Variants in POLR2F observed in about 807,000 individuals in gnomAD.
POLR2F encodes the protein RNA polymerase II, I and III subunit F, also known as DNA-directed RNA polymerases I, II, and III subunit RPABC2.
POLR2F carries 12 observed loss-of-function variants against 22.7 expected under a neutral mutation model. That is an observed-to-expected ratio of 0.53 (90% CI 0.34 to 0.86). POLR2F has a LOEUF of 0.86. POLR2F is among the 40% of genes least tolerant of loss of function. POLR2F has a pLI of 0.02. For synonymous variants in POLR2F, 57 were observed against 66.0 expected (o/e 0.86, Z 0.66); for missense variants, 126 against 171.5 (o/e 0.73, Z 1.48).
At chr22:37,996,577 G>T (rs1421586351) in intron 1 of POLR2F, among the ~76,000 whole-genome samples, 3 of 152,172 alleles carry the variant, frequency 2.0e-5, no homozygotes, top group African/African-American at 7.2e-5. Context: ...AGAGGGCACT[G>T]CCCACTTACA....
chr22:37,982,315 T>C (rs567640610), upstream of POLR2F, among the ~76,000 whole-genome samples: 3 of 152,292 alleles, frequency 2.0e-5, no homozygotes, highest in East Asian at 1.9e-4. Flanking sequence ...TTGGTCAGTC[T>C]AGCGAGAATC....
intron 4 of POLR2F, chr22:37,967,414 G>A: frequency 1.4e-6 from 2 of 1,434,706 alleles, no homozygotes; most frequent in Non-Finnish European, 1.8e-6. Flanking sequence ...GCTGCAGGAG[G>A]CCTTACCAAT....
At position 38,040,809 on chromosome 22, in the gene POLR2F, A is replaced by G. The variant is rs139617063; in HGVS notation, c.453-259A>G. The stretch of plus-strand genomic sequence containing the variant: ...GGCATGTTGTGATGGTGAAGGGAGC[A>G]TGGCAGTTTGGGCTTGCTGTCCTGC... On this transcript the variant is annotated intron_variant, in intron 5 of 5. Coordinates refer to the POLR2F transcript ENST00000407936. The G allele has an allele frequency of 1.5e-5, 8 of 537,764 alleles. No individual in the cohort carries two copies. In the African/African-American group the frequency reaches 1.5e-4, roughly 10 times the overall value. 33.3% of individuals were successfully genotyped at this position (537,764 alleles called of 1,614,324 possible).
rs929404798 is a variant in POLR2F at position 37,954,424 on chromosome 22, T to C, written c.20+617T>C. 2.6e-5 allele frequency among the ~76,000 whole-genome samples: 4 copies of C among 152,140 alleles called. No individual in the cohort carries two copies. The East Asian group carries it at 5.8e-4, about 22-fold the overall frequency. On this transcript the variant is annotated intron_variant, in intron 1 of 4. Coordinates refer to ENST00000442738, the MANE Select transcript of POLR2F (RefSeq NM_021974.5). Reference sequence around the variant, plus strand: ...TTCAAGGGATTCTCCTGCCTCAGCCTCCCGACTAGCTGGGATTATGGGCGT... The same window carrying C: ...TTCAAGGGATTCTCCTGCCTCAGCCCCCCGACTAGCTGGGATTATGGGCGT...
intron 1 of POLR2F, among the ~76,000 whole-genome samples, chr22:37,998,001 G>A (rs868199027): frequency 2.0e-5 from 3 of 152,148 alleles, no homozygotes; most frequent in Admixed American, 6.5e-5. Flanking sequence ...GCTTTCCAGC[G>A]CCCAGAGAGC....
downstream of POLR2F, chr22:37,973,430 C>T: frequency 9.1e-7 from 1 of 1,098,982 alleles, no homozygotes; most frequent in Non-Finnish European, 1.3e-6. Flanking sequence ...CTGAGGTGGG[C>T]AAGGAACAGG....
At chr22:37,971,813 G>A (rs547838061), downstream of POLR2F, among the ~76,000 whole-genome samples, 6 of 152,104 alleles carry the variant, frequency 3.9e-5, no homozygotes, top group Non-Finnish European at 7.4e-5. Flanking sequence ...GCAAACTCCC[G>A]TCTGCTGAGT....
intron 1 of POLR2F, among the ~76,000 whole-genome samples, chr22:38,000,603 G>A (rs1341266004): frequency 6.6e-6 from 1 of 152,228 alleles, no homozygotes. Flanking sequence ...CACTAGGGTG[G>A]TTGGTGTCAC....
At chr22:37,976,403 C>T (rs1932221328) in intron 4 of POLR2F, among the ~76,000 whole-genome samples, 3 of 152,172 alleles carry the variant, frequency 2.0e-5, no homozygotes, top group South Asian at 4.1e-4. Context: ...CATCCCTGCT[C>T]CTCTCTCTAG....
At chr22:38,025,441 C>T (rs1484116172) in intron 1 of POLR2F, 3 of 1,252,100 alleles carry the variant, frequency 2.4e-6, no homozygotes, top group Non-Finnish European at 3.2e-6. Flanking sequence ...TGTGCACACA[C>T]TGATTCATAT....
rs528730528 is a variant in POLR2F at position 38,004,930 on chromosome 22, G to C, written c.120+18618G>C. On this transcript the variant is annotated intron_variant, in intron 1 of 2. Coordinates refer to the POLR2F transcript ENST00000333418. ...TTGCACTCTAGCCTGGGCAAAAAGA[G>C]TGAAACTCCGTCTCAAAAAACAAAA... is the stretch of plus-strand genomic sequence containing the variant. Among the ~76,000 whole-genome samples the C allele has an allele frequency of 3.3e-5, 5 of 152,192 alleles. No individual in the cohort carries two copies. In the South Asian group the frequency reaches 1.0e-3, roughly 32 times the overall value.
chr22:38,014,285 C>T (rs2084897071), intron 1 of POLR2F, among the ~76,000 whole-genome samples: 1 of 151,832 alleles, frequency 6.6e-6, no homozygotes, highest in African/African-American at 2.4e-5. Context: ...ATTGCTTCTT[C>T]CTTTCCACTC....
In POLR2F at chr22:38,017,963, A is replaced by G. The variant is rs1266188005; in HGVS notation, c.121-7906A>G. Reference sequence around the variant, plus strand: ...GCCCTCCTGCCACATAACAGAGGCTATAATGTGGGCCCTATAACGTGGCCA... The same window carrying G: ...GCCCTCCTGCCACATAACAGAGGCTGTAATGTGGGCCCTATAACGTGGCCA... On this transcript the variant is annotated intron_variant, in intron 1 of 2. Coordinates refer to the POLR2F transcript ENST00000333418. This position sits in a 1 kb window ranked among gnomAD's most constrained non-coding sequence, Gnocchi z 4.1. 2.6e-5 allele frequency among the ~76,000 whole-genome samples: 4 copies of G among 152,236 alleles called. No individual in the cohort carries two copies. The highest frequency in any genetic ancestry group is 4.4e-5 in the Non-Finnish European group (3 of 68,036).
intron 4 of POLR2F, chr22:37,977,731 G>T: frequency 1.1e-6 from 1 of 949,396 alleles, no homozygotes; most frequent in Non-Finnish European, 1.6e-6. Context: ...CTCCCTCTGG[G>T]CCCCTGCAGC....
intron 5 of POLR2F, among the ~76,000 whole-genome samples, chr22:38,038,925 G>A (rs1018636501): frequency 2.6e-5 from 4 of 152,012 alleles, no homozygotes; most frequent in African/African-American, 7.2e-5. Flanking sequence ...CAGGGTTCTC[G>A]GGGCCGGGGC....
chr22:37,988,075 G>A (rs549930527), intron 1 of POLR2F: 1 of 151,528 alleles, frequency 6.6e-6, no homozygotes, highest in Admixed American at 6.6e-5. Flanking sequence ...TGTAATCCCA[G>A]CACTTTGGGA....
At position 38,025,735 on chromosome 22, in the gene POLR2F, T is replaced by G. The variant is rs73417878; in HGVS notation, c.121-134T>G. 1.7e-3 allele frequency: 2,529 copies of G among 1,526,304 alleles called. 47 individuals carry two copies. The African/African-American group carries it at 0.032, about 19-fold the overall frequency. The allele number at this position is 1,526,304 out of a possible 1,614,324, so 94.5% of individuals were successfully genotyped here. ...TACAGATGCATAAACTGAGCCCAGGTTGCTGATGGTCTCACCCGAGCTGAA... is the reference window on the plus strand; with the variant it reads ...TACAGATGCATAAACTGAGCCCAGGGTGCTGATGGTCTCACCCGAGCTGAA... On this transcript the variant is annotated intron_variant, in intron 1 of 2. Coordinates refer to the POLR2F transcript ENST00000333418.
At chr22:37,975,487 T>G (rs1932193894) in intron 4 of POLR2F, among the ~76,000 whole-genome samples, 1 of 152,176 alleles carries the variant, frequency 6.6e-6, no homozygotes, top group African/African-American at 2.4e-5. Context: ...TGTGTGTGTG[T>G]GTCCCTGAAT....
downstream of POLR2F, among the ~76,000 whole-genome samples, chr22:37,971,820 G>A (rs1214292854): frequency 6.6e-6 from 1 of 152,082 alleles, no homozygotes; most frequent in Non-Finnish European, 1.5e-5. Flanking sequence ...CCCGTCTGCT[G>A]AGTGCTGGGT....
Sources: gnomAD v4.1 joint callset for allele counts (sites outside exome capture counted in the v4.1 genomes callset) on GRCh38, gnomAD v4.1.1 for gene constraint, Gnocchi (gnomAD v3.1) non-coding constraint, MANE v1.5 for transcripts, NCBI Gene and HGNC (gene_info 2026-07-23, HGNC 2026-07-21) for gene names.